Variants in RAG1 observed in about 807,000 individuals in gnomAD.
RAG1 encodes the protein recombination activating 1, also known as V(D)J recombination-activating protein 1.
RAG1 carries 35 observed loss-of-function variants against 62.7 expected under a neutral mutation model. The ratio of observed to expected loss-of-function variants is 0.56; its 90% CI spans 0.43 to 0.74. The LOEUF is 0.74. RAG1 is among the 30% of genes least tolerant of loss of function. The probability of loss-of-function intolerance (pLI) is 0.00; values close to 1 mark genes in which losing one functional copy is unlikely to be tolerated. For synonymous variants in RAG1, 461 were observed against 470.3 expected, an observed-to-expected ratio of 0.98 and a Z score of 0.26; for missense variants, 1,169 against 1,278.6, an observed-to-expected ratio of 0.91 and a Z score of 1.31.
rs1590665007 is a variant in RAG1, at chr11:36,525,666, T to C, written n.428+5437T>C. On this transcript the variant is annotated intron_variant and non_coding_transcript_variant, in intron 2 of 2. Transcript: ENST00000529126. ...AGCTTTTTTTGAGCAATTTAAATGA[T>C]ATTACAAAAATAAATAAATCATTTT... Among the ~76,000 whole-genome samples, 4 of 152,324 alleles carry C rather than the reference T, an allele frequency of 2.6e-5. No homozygotes were observed. The East Asian group carries it at 7.7e-4, about 29-fold the overall frequency.
downstream of RAG1, among the ~76,000 whole-genome samples, chr11:36,537,947 C>T (rs113429767): frequency 4.6e-5 from 7 of 152,098 alleles, no homozygotes; most frequent in South Asian, 2.1e-4. Flanking sequence ...TTCTGCATTA[C>T]GTTGTAAAAT....
chr11:36,575,125 C>G lies in RAG1; in HGVS notation c.1821C>G (p.Asp607Glu), dbSNP rs183806098. 1 of 1,613,972 alleles carries G rather than the reference C, an allele frequency of 6.2e-7. No individual in the cohort carries two copies. Among genetic ancestry groups the G allele is most frequent in the Admixed American group, 1.7e-5 (1 of 59,992 alleles). Residue 607 changes from aspartate (D) to glutamate (E), a missense_variant, in exon 2 of 2, where the codon GAC becomes GAG. Coordinates refer to ENST00000299440, the MANE Select transcript of RAG1 (RefSeq NM_000448.3). The surrounding 1 kb of genome is among the most constrained non-coding windows in gnomAD (Gnocchi z 4.1). ...VVKESCDGMG[D>E]VSEKHGSGPV... ...AGGAGTCTTGTGATGGAATGGGAGA[C>G]GTGAGTGAGAAGCATGGGAGTGGGC... is the stretch of plus-strand genomic sequence containing the variant.
In RAG1 at chr11:36,576,532, G is replaced by A; in HGVS notation, c.*96G>A. On this transcript the variant is annotated 3_prime_UTR_variant, in exon 2 of 2. Coordinates refer to ENST00000299440, the MANE Select transcript of RAG1 (RefSeq NM_000448.3). ...AGCACCCTTTACTGCTGTGTATGGG[G>A]CTTCACCATCCAAGAGGTGGTAGGT... The A allele has an allele frequency of 1.4e-6, 2 of 1,438,554 alleles. No homozygotes were observed. Among genetic ancestry groups the A allele is most frequent in the Non-Finnish European group, 1.9e-6 (2 of 1,025,872 alleles). 89.1% of individuals were successfully genotyped at this position (1,438,554 alleles called of 1,614,324 possible). A position where few individuals can be genotyped will look rare whatever the true frequency, so the allele number is the denominator to read the frequency against.
At chr11:36,539,513 C>G (rs1860382026), downstream of RAG1, among the ~76,000 whole-genome samples, 1 of 152,158 alleles carries the variant, frequency 6.6e-6, no homozygotes, top group South Asian at 2.1e-4. Context: ...GAGACAGAGT[C>G]TTGCTCTGTT....
In RAG1 at chr11:36,573,542, T is replaced by C. The variant is rs775710960; in HGVS notation, c.238T>C (p.Leu80=). 5 of 1,614,150 alleles carry C rather than the reference T, an allele frequency of 3.1e-6. No individual in the cohort carries two copies. The highest frequency in any genetic ancestry group is 3.4e-6 in the Non-Finnish European group (4 of 1,180,026). The change falls in exon 2 of 2, where the codon TTG becomes CTG. Residue 80 remains leucine, a synonymous_variant. Transcript: ENST00000299440. The stretch of plus-strand genomic sequence containing the variant: ...TCAGAAGCCAGTCCCAACTCAGCCA[T>C]TGTTAAAAGCCCACCCTAAGTTTTC... The part of the protein sequence containing the change: ...DGQKPVPTQP[L]LKAHPKFSKK...
At chr11:36,547,151 C>T (rs1302744308) in intron 3 of RAG1, among the ~76,000 whole-genome samples, 3 of 152,018 alleles carry the variant, frequency 2.0e-5, no homozygotes, top group Non-Finnish European at 4.4e-5. Flanking sequence ...AAATTTATAA[C>T]ACTAAATGCC....
At chr11:36,511,008 C>T (rs938979995) in exon 1 of RAG1, 9 of 152,006 alleles carry the variant, frequency 5.9e-5, no homozygotes, top group African/African-American at 2.2e-4. Context: ...GGTTCCAATC[C>T]GGTTTTTCCT....
chr11:36,524,233 C>T (rs1860123683), intron 2 of RAG1, among the ~76,000 whole-genome samples: 1 of 150,830 alleles, frequency 6.6e-6, no homozygotes, highest in African/African-American at 2.4e-5. Context: ...GGAAATATAC[C>T]TAATGTAAAT....
intron 3 of RAG1, among the ~76,000 whole-genome samples, chr11:36,543,703 TC>T (rs1850349074): frequency 6.6e-6 from 1 of 152,220 alleles, no homozygotes; most frequent in Non-Finnish European, 1.5e-5. Flanking sequence ...TACCTCTTAG[TC>T]CAGATTTATT....
chr11:36,575,752 G>A lies in RAG1; in HGVS notation c.2448G>A (p.Gly816=), dbSNP rs1850836600. 1.9e-6 allele frequency: 3 copies of A among 1,614,218 alleles called. No individual in the cohort carries two copies. Among genetic ancestry groups the A allele is most frequent in the Non-Finnish European group, 8.5e-7 (1 of 1,180,044 alleles). The change falls in exon 2 of 2, where the codon GGG becomes GGA. Residue 816 remains glycine (G), a synonymous_variant. Coordinates refer to ENST00000299440, the MANE Select transcript of RAG1 (RefSeq NM_000448.3). This position sits in a 1 kb window ranked among gnomAD's most constrained non-coding sequence, Gnocchi z 4.1. ...ACAAGATCTTCCAGCTAGAGATAGG[G>A]GAAGTGTATAAGAATCCCAATGCTT... The part of the protein sequence containing the change: ...EFYKIFQLEI[G]EVYKNPNASK...
chr11:36,536,242 A>G (rs562965004), downstream of RAG1, among the ~76,000 whole-genome samples: 1 of 152,356 alleles, frequency 6.6e-6, no homozygotes, highest in African/African-American at 2.4e-5. Flanking sequence ...ATGGCTACCC[A>G]CTGTAAAATG....
chr11:36,579,558 T>G lies in RAG1; in HGVS notation c.*3122T>G, dbSNP rs1222003589. On this transcript the variant is annotated 3_prime_UTR_variant, in exon 2 of 2. Transcript: ENST00000299440. ...GGCTTCCAAGAGCCTTTTTTTTTTTTGTATTTCAGAGAAAATTCAGGTACC... is the reference window on the plus strand; with the variant it reads ...GGCTTCCAAGAGCCTTTTTTTTTTTGGTATTTCAGAGAAAATTCAGGTACC... 6.0e-6 allele frequency: 1 copy of G among 166,592 alleles called. No individual in the cohort carries two copies. The highest frequency in any genetic ancestry group is 1.5e-5 in the Non-Finnish European group (1 of 67,996). 10.3% of individuals were successfully genotyped at this position (166,592 alleles called of 1,614,324 possible).
intron 3 of RAG1, among the ~76,000 whole-genome samples, chr11:36,541,613 A>C (rs972649775): frequency 1.3e-5 from 2 of 152,148 alleles, no homozygotes; most frequent in Non-Finnish European, 2.9e-5. Context: ...CGACATAAGA[A>C]ACAGGAAATA....
At chr11:36,564,472 GT>G (rs1243429181), upstream of RAG1, among the ~76,000 whole-genome samples, 5 of 152,188 alleles carry the variant, frequency 3.3e-5, no homozygotes, top group Non-Finnish European at 7.3e-5. Flanking sequence ...TTCTTAGCCA[GT>G]TCATGGATTC....
rs996273428 is a variant in RAG1 at position 36,578,600 on chromosome 11, C to T, written c.*2164C>T. ...AGTATTAAATTATCCTTTTCTAACA[C>T]TGTAGGAACTATTTTGAATGCATGT... On this transcript the variant is annotated 3_prime_UTR_variant, in exon 2 of 2. Transcript: ENST00000299440. 2 of 166,924 alleles carry T rather than the reference C, an allele frequency of 1.2e-5. No homozygotes were observed. Among genetic ancestry groups the T allele is most frequent in the African/African-American group, 4.8e-5 (2 of 41,452 alleles). 10.3% of individuals were successfully genotyped at this position (166,924 alleles called of 1,614,324 possible). A position where few individuals can be genotyped will look rare whatever the true frequency, so the allele number is the denominator to read the frequency against.
chr11:36,529,268 G>A (rs1860214242), intron 2 of RAG1, among the ~76,000 whole-genome samples: 1 of 152,124 alleles, frequency 6.6e-6, no homozygotes, highest in Non-Finnish European at 1.5e-5. Flanking sequence ...ACCACATCCA[G>A]CAGTGTATCA....
intron 2 of RAG1, among the ~76,000 whole-genome samples, chr11:36,533,214 G>T (rs954332562): frequency 3.9e-5 from 6 of 152,296 alleles, no homozygotes; most frequent in Admixed American, 6.5e-5. Flanking sequence ...AAAACCCGAG[G>T]AGGGGGTGCT....
intron 3 of RAG1, among the ~76,000 whole-genome samples, chr11:36,547,276 A>T (rs1240254085): frequency 6.6e-6 from 1 of 152,200 alleles, no homozygotes; most frequent in Admixed American, 6.5e-5. Flanking sequence ...AATAACTAAG[A>T]TCAGAGCAGA....
At chr11:36,560,028 C>T (rs12276673) in intron 3 of RAG1, among the ~76,000 whole-genome samples, 3,405 of 152,222 alleles carry the variant, frequency 0.022, 125 homozygotes, top group African/African-American at 0.077. Flanking sequence ...AAGACTTTTT[C>T]GTGTGAGTCT....
Sources: gnomAD v4.1 joint callset for allele counts (sites outside exome capture counted in the v4.1 genomes callset) on GRCh38, gnomAD v4.1.1 for gene constraint, Gnocchi (gnomAD v3.1) non-coding constraint, MANE v1.5 for transcripts, NCBI Gene and HGNC (gene_info 2026-07-23, HGNC 2026-07-21) for gene names.